Variants in RYR3 observed in about 807,000 individuals in gnomAD.
RYR3 encodes the protein ryanodine receptor 3, also known as brain ryanodine receptor-calcium release channel.
In RYR3, 207 loss-of-function variants were observed where a neutral mutation model predicts 584.3. That is an observed-to-expected ratio of 0.35 (90% CI 0.32 to 0.40). The LOEUF is 0.40. RYR3 is among the 10% of genes least tolerant of loss of function. The pLI, the probability that RYR3 is intolerant of heterozygous loss-of-function variation, is 1.00. For missense variants in RYR3, 5,616 were observed against 6,089.2 expected, an observed-to-expected ratio of 0.92 and a Z score of 2.59; for synonymous variants, 2,416 against 2,248.5, an observed-to-expected ratio of 1.07 and a Z score of -2.11.
At chr15:33,672,864 T>C (rs2063931154) in intron 38 of RYR3, among the ~76,000 whole-genome samples, 1 of 152,222 alleles carries the variant, frequency 6.6e-6, no homozygotes, top group African/African-American at 2.4e-5. Flanking sequence ...CACTCCTCCA[T>C]TGTATAGTTG....
chr15:33,404,643 C>T (rs1347539407), intron 1 of RYR3, among the ~76,000 whole-genome samples: 3 of 147,712 alleles, frequency 2.0e-5, no homozygotes, highest in African/African-American at 7.5e-5. Flanking sequence ...AGTCACTTTT[C>T]AAAGTATACA....
chr15:33,725,341 C>T (rs1050541705), intron 45 of RYR3, among the ~76,000 whole-genome samples: 7 of 152,156 alleles, frequency 4.6e-5, no homozygotes, highest in African/African-American at 1.7e-4. Context: ...GGGCCTTCTC[C>T]TTTCCCTGGT....
At chr15:33,774,519 A>G (rs552620212) in intron 64 of RYR3, among the ~76,000 whole-genome samples, 29 of 152,336 alleles carry the variant, frequency 1.9e-4, no homozygotes, top group Admixed American at 1.0e-3. Context: ...CAGTTTCTCA[A>G]TATAGCCAAA....
intron 10 of RYR3, 25 bp downstream of exon 10, chr15:33,550,341 G>A: frequency 1.2e-6 from 2 of 1,600,106 alleles, no homozygotes; most frequent in Non-Finnish European, 1.7e-6. Flanking sequence ...AGTGGACTTT[G>A]ACCCTGTTCT....
chr15:33,796,633 A>G (rs1200534108), intron 67 of RYR3, among the ~76,000 whole-genome samples: 1 of 152,208 alleles, frequency 6.6e-6, no homozygotes, highest in Admixed American at 6.5e-5. Context: ...GTTTAGTGGC[A>G]AAGTCTGGAC....
intron 67 of RYR3, among the ~76,000 whole-genome samples, chr15:33,795,387 T>C (rs906180131): frequency 4.1e-5 from 3 of 72,650 alleles, no homozygotes; most frequent in South Asian, 9.3e-4. Context: ...TTTCTTTTTT[T>C]TTTTTTTTTT....
intron 17 of RYR3, 81 bp from the exon 18 acceptor site, chr15:33,603,042 G>T: frequency 1.4e-6 from 2 of 1,468,794 alleles, no homozygotes; most frequent in Non-Finnish European, 9.4e-7. Flanking sequence ...TAAATGGGCC[G>T]TTGCCTCCTA....
chr15:33,674,819 A>C (rs542076142), intron 38 of RYR3, among the ~76,000 whole-genome samples: 1 of 152,078 alleles, frequency 6.6e-6, no homozygotes, highest in Non-Finnish European at 1.5e-5. Context: ...TGCTTCAACA[A>C]AGGCCCATGT....
rs138934257 is a variant in RYR3 at position 33,473,393 on chromosome 15, T to C, written c.52-26T>C. On this transcript the variant is annotated intron_variant, in intron 1 of 103. Coordinates refer to ENST00000634891, the MANE Select transcript of RYR3 (RefSeq NM_001036.6). The stretch of plus-strand genomic sequence containing the variant: ...CTGGCTCAGCAGTTCCCCTTACTCA[T>C]GTTTGGGTCTCTCTTCTCCTGGCAG... The C allele has an allele frequency of 3.0e-4, 488 of 1,613,350 alleles. 3 individuals are homozygous for C. In the African/African-American group the frequency reaches 4.9e-3, roughly 16 times the overall value.
rs539759145 is a variant in RYR3 at position 33,362,917 on chromosome 15, C to T, written c.51+51821C>T. ...TGCACTTCCCTTATAACACCTGACACGTTGTTCTGCCATGTGATGGCAGCA... is the reference window on the plus strand; with the variant it reads ...TGCACTTCCCTTATAACACCTGACATGTTGTTCTGCCATGTGATGGCAGCA... On this transcript the variant is annotated intron_variant, in intron 1 of 103. Coordinates refer to ENST00000634891, the MANE Select transcript of RYR3 (RefSeq NM_001036.6). Among the ~76,000 whole-genome samples, 7 of 152,276 alleles carry T rather than the reference C, an allele frequency of 4.6e-5. No individual in the cohort carries two copies. In the South Asian group the frequency reaches 1.2e-3, roughly 27 times the overall value.
intron 7 of RYR3, among the ~76,000 whole-genome samples, chr15:33,542,099 T>C (rs2055869173): frequency 6.6e-6 from 1 of 152,200 alleles, no homozygotes; most frequent in African/African-American, 2.4e-5. Context: ...TAATATAGTC[T>C]GGATAACTCA....
chr15:33,842,147 T>C, intron 91 of RYR3, 112 bp downstream of exon 91: 1 of 1,171,552 alleles, frequency 8.5e-7, no homozygotes, highest in Admixed American at 2.4e-5. Flanking sequence ...TCCTCCCCTT[T>C]CTCATTCCTA....
intron 13 of RYR3, 148 bp downstream of exon 13, chr15:33,580,292 C>T: frequency 1.5e-6 from 1 of 679,830 alleles, no homozygotes; most frequent in East Asian, 2.8e-5. Flanking sequence ...AAATTGGAAG[C>T]CAACCTTCCC....
At chr15:33,505,087 G>T (rs1210257072) in intron 3 of RYR3, among the ~76,000 whole-genome samples, 2 of 152,178 alleles carry the variant, frequency 1.3e-5, no homozygotes, top group African/African-American at 4.8e-5. Context: ...TTACCTAGTA[G>T]CACAGTTTGT....
At chr15:33,401,975 G>T (rs541601665) in intron 1 of RYR3, among the ~76,000 whole-genome samples, 1 of 152,150 alleles carries the variant, frequency 6.6e-6, no homozygotes, top group African/African-American at 2.4e-5. Context: ...AATATACAAG[G>T]CCAAGGACCA....
At chr15:33,544,015 A>G (rs182825389) in intron 8 of RYR3, among the ~76,000 whole-genome samples, 71 of 152,208 alleles carry the variant, frequency 4.7e-4, no homozygotes, top group Admixed American at 9.2e-4. Flanking sequence ...GATCATCTCT[A>G]TTTCCATTTC....
At chr15:33,708,940 C>T (rs148556711) in intron 43 of RYR3, among the ~76,000 whole-genome samples, 3,281 of 144,502 alleles carry the variant, frequency 0.023, 130 homozygotes, top group African/African-American at 0.087. Context: ...GTGAGTGCTT[C>T]GGCGGGAGTC....
rs1469655228 is a variant in RYR3 at position 33,837,776 on chromosome 15, C to G, written c.11796C>G (p.Asp3932Glu). The change falls in exon 89 of 104, where the codon GAC (aspartate) becomes GAG (glutamate). Residue 3932 changes from aspartate to glutamate, a missense_variant. Transcript: ENST00000634891. ...GCTCAGACACCTTCAAAGAATATGACCCAGATGGTAAAGGAATTATCTCCA... is the reference window on the plus strand; with the variant it reads ...GCTCAGACACCTTCAAAGAATATGAGCCAGATGGTAAAGGAATTATCTCCA... ...LTSSDTFKEY[D>E]PDGKGIISKK... The G allele has an allele frequency of 6.2e-7, 1 of 1,613,850 alleles. No individual in the cohort carries two copies. The highest frequency in any genetic ancestry group is 2.2e-5 in the East Asian group (1 of 44,880).
At chr15:33,525,968 T>C (rs1437809434) in intron 3 of RYR3, among the ~76,000 whole-genome samples, 1 of 152,162 alleles carries the variant, frequency 6.6e-6, no homozygotes, top group Non-Finnish European at 1.5e-5. Context: ...CTTCATCCCC[T>C]ACAAGACCTC....
Sources: allele counts gnomAD v4.1 joint callset (sites outside exome capture counted in the v4.1 genomes callset), GRCh38; gene constraint gnomAD v4.1.1; transcripts MANE v1.5; gene names NCBI Gene and HGNC (gene_info 2026-07-23, HGNC 2026-07-21).